Variants in DOCK9 observed in about 807,000 individuals in gnomAD.
The protein encoded by DOCK9 is dedicator of cytokinesis protein 9.
DOCK9 carries 89 observed loss-of-function variants against 263.3 expected under a neutral mutation model. The observed-to-expected ratio is 0.34, with a 90% confidence interval of 0.28 to 0.40. The LOEUF is 0.40. DOCK9 is among the 10% of genes least tolerant of loss of function. DOCK9 has a pLI of 1.00. For synonymous variants in DOCK9, 976 were observed against 973.1 expected, an observed-to-expected ratio of 1.00 and a Z score of -0.06; for missense variants, 2,140 against 2,603.4, an observed-to-expected ratio of 0.82 and a Z score of 3.87.
chr13:98,889,178 G>C (rs954325986), intron 15 of DOCK9, among the ~76,000 whole-genome samples: 1 of 152,134 alleles, frequency 6.6e-6, no homozygotes, highest in African/African-American at 2.4e-5. Context: ...CACCATTTGG[G>C]GGAGCTAAGC....
upstream of DOCK9, among the ~76,000 whole-genome samples, chr13:98,978,939 G>A (rs1269239822): frequency 6.6e-6 from 1 of 152,056 alleles, no homozygotes; most frequent in East Asian, 2.0e-4. Context: ...TAACAGTGGA[G>A]TCTTTTTTAC....
chr13:99,026,330 G>C (rs1280979139), intron 1 of DOCK9, among the ~76,000 whole-genome samples: 3 of 152,196 alleles, frequency 2.0e-5, no homozygotes, highest in African/African-American at 7.2e-5. Context: ...ACATATCAGA[G>C]GGTACATCAA....
chr13:99,071,305 G>GTTTTTTTTT (rs1566387440), intron 1 of DOCK9, among the ~76,000 whole-genome samples: 1 of 70,936 alleles, frequency 1.4e-5, no homozygotes, highest in East Asian at 5.0e-4. Flanking sequence ...ACCATGCCTG[G>GTTTTTTTTT]CTTTTTTTTT....
intron 24 of DOCK9, 128 bp downstream of exon 24, chr13:98,881,764 T>G: frequency 8.0e-7 from 1 of 1,248,984 alleles, no homozygotes. Flanking sequence ...ATGGGGTCCT[T>G]ACACATGGGA....
rs916364418 is a variant in DOCK9 at position 99,063,356 on chromosome 13, C to T, written c.129+22867G>A. 5.8e-4 allele frequency among the ~76,000 whole-genome samples: 88 copies of T among 152,248 alleles called. 1 individual carries two copies. Among genetic ancestry groups the T allele is most frequent in the African/African-American group, 2.0e-3 (84 of 41,466 alleles). ...CCCTTCCCAGCCTAGAAGGCCTCACCGAGCAGAGAATACACACATTCCTAC... is the reference window on the plus strand; with the variant it reads ...CCCTTCCCAGCCTAGAAGGCCTCACTGAGCAGAGAATACACACATTCCTAC... On this transcript the variant is annotated intron_variant, in intron 1 of 32. Transcript: ENST00000427887.
chr13:98,816,957 AAATT>A (rs1321845104), intron 45 of DOCK9, among the ~76,000 whole-genome samples: 3 of 152,138 alleles, frequency 2.0e-5, no homozygotes, highest in African/African-American at 7.2e-5. Flanking sequence ...AGTCAAACAT[AAATT>A]AATAATCAAC....
intron 32 of DOCK9, among the ~76,000 whole-genome samples, chr13:98,860,729 C>T (rs1224825793): frequency 1.2e-5 from 1 of 81,248 alleles, no homozygotes; most frequent in African/African-American, 5.1e-5. Context: ...GATATGGATG[C>T]TGGGTGGGGG....
At chr13:98,851,745 CT>C (rs1328534423) in intron 35 of DOCK9, among the ~76,000 whole-genome samples, 1 of 152,184 alleles carries the variant, frequency 6.6e-6, no homozygotes, top group African/African-American at 2.4e-5. Flanking sequence ...ATTTCTCCCC[CT>C]AACCCATATG....
intron 45 of DOCK9, among the ~76,000 whole-genome samples, chr13:98,817,495 G>A (rs1215400767): frequency 2.7e-5 from 3 of 111,482 alleles, no homozygotes; most frequent in African/African-American, 1.1e-4. Flanking sequence ...GTCTCACTAT[G>A]TTTCCCAGGC....
chr13:98,822,801 T>C (rs2092349299), intron 45 of DOCK9, among the ~76,000 whole-genome samples: 1 of 152,066 alleles, frequency 6.6e-6, no homozygotes, highest in Admixed American at 6.5e-5. Context: ...GAAAACTTTA[T>C]TGGGGTTTAA....
At position 98,888,496 on chromosome 13, in the gene DOCK9, T is replaced by C. The variant is rs369147757; in HGVS notation, c.1841A>G (p.Lys614Arg). The C allele has an allele frequency of 1.3e-5, 21 of 1,613,904 alleles. No individual in the cohort carries two copies. Among genetic ancestry groups the C allele is most frequent in the African/African-American group, 2.7e-5 (2 of 74,936 alleles). The change falls in exon 17 of 53, where the codon AAA becomes AGA. Residue 614 changes from lysine to arginine, a missense_variant. Physicochemically the swap from Lys to Arg is conservative, Grantham distance 26. Coordinates refer to ENST00000682017, the MANE Select transcript of DOCK9 (RefSeq NM_001366683.2). The part of the protein sequence containing the change: ...IPTKQFETCS[K>R]TPITFEVEEF... ...CTCCACTTCAAACGTGATGGGAGTT[T>C]TACTGCAGGTTTCAAATTGTTTTGT...
intron 47 of DOCK9, chr13:98,808,766 T>C (rs1205791958): frequency 7.3e-6 from 6 of 822,768 alleles, no homozygotes; most frequent in Non-Finnish European, 7.8e-6. Flanking sequence ...GTATTATAAT[T>C]TATACCATTT....
intron 1 of DOCK9, among the ~76,000 whole-genome samples, chr13:98,971,799 G>T (rs750288811): frequency 6.6e-6 from 1 of 152,200 alleles, no homozygotes; most frequent in Non-Finnish European, 1.5e-5. Context: ...CTGGGAAGAT[G>T]ATAAAATGTA....
chr13:99,086,481 C>A (rs910114447), exon 1 of DOCK9: 29 of 512,028 alleles, frequency 5.7e-5, no homozygotes, highest in Middle Eastern at 1.9e-3. Context: ...CCTGCTCCCC[C>A]CGCTGCTCGC....
Position 98,797,506 on chromosome 13 carries a change from G to A in DOCK9, c.5917-17C>T. On this transcript the variant is annotated splice_polypyrimidine_tract_variant and intron_variant, in intron 50 of 52. Coordinates refer to ENST00000682017, the MANE Select transcript of DOCK9 (RefSeq NM_001366683.2). ...AGCATTGACCTAGACAAAGAGCAAA[G>A]ATTTTCAGTTCCACTAGGAAGAAAA... 1.3e-6 allele frequency: 2 copies of A among 1,590,504 alleles called. No homozygotes were observed. Among genetic ancestry groups the A allele is most frequent in the Non-Finnish European group, 1.7e-6 (2 of 1,164,940 alleles).
At chr13:98,885,118 A>C (rs1291216387) in intron 20 of DOCK9, 26 bp from the exon 21 acceptor site, 1 of 1,611,822 alleles carries the variant, frequency 6.2e-7, no homozygotes, top group Admixed American at 1.7e-5. Flanking sequence ...AACAACAACA[A>C]CAACAGAACA....
intron 19 of DOCK9, 142 bp from the exon 20 acceptor site, chr13:98,885,973 G>C (rs542324580): frequency 4.2e-6 from 3 of 707,838 alleles, no homozygotes; most frequent in South Asian, 5.7e-5. Flanking sequence ...CAAAGATACT[G>C]AGACTATAAA....
chr13:98,932,198 G>T (rs1310976327), intron 2 of DOCK9, among the ~76,000 whole-genome samples: 1 of 151,638 alleles, frequency 6.6e-6, no homozygotes, highest in Non-Finnish European at 1.5e-5. Flanking sequence ...TTCCAGACCA[G>T]CCTGGCCAAC....
chr13:98,998,783 G>C (rs1389600239), intron 1 of DOCK9, among the ~76,000 whole-genome samples: 1 of 152,176 alleles, frequency 6.6e-6, no homozygotes, highest in Non-Finnish European at 1.5e-5. Flanking sequence ...TATAGTCATG[G>C]AGAGAGGCGA....
Sources: allele counts gnomAD v4.1 joint callset (sites outside exome capture counted in the v4.1 genomes callset), GRCh38; gene constraint gnomAD v4.1.1; transcripts MANE v1.5; gene names NCBI Gene and HGNC (gene_info 2026-07-23, HGNC 2026-07-21).